Variants in PTPRT observed in about 807,000 individuals in gnomAD.
PTPRT encodes protein tyrosine phosphatase receptor type T.
PTPRT carries 56 observed loss-of-function variants against 176.8 expected under a neutral mutation model. That is an observed-to-expected ratio of 0.32 (90% confidence interval 0.26 to 0.40). PTPRT has a LOEUF of 0.40. Among genes scored for constraint, PTPRT ranks in the 10% least tolerant of loss-of-function variants. The pLI is 1.00. For missense variants in PTPRT, 1,540 were observed against 1,908.2 expected, an observed-to-expected ratio of 0.81 and a Z score of 3.60; for synonymous variants, 783 against 739.0, an observed-to-expected ratio of 1.06 and a Z score of -0.96.
chr20:42,150,651 G>C lies in PTPRT; in HGVS notation c.2683-8649C>G, dbSNP rs146740414. On this transcript the variant is annotated intron_variant, in intron 17 of 30. Transcript: ENST00000373187. The stretch of plus-strand genomic sequence containing the variant: ...AAAAGGCAGAGCTTTGCAAAAGGCA[G>C]ACAGACTAAAATGTTTGAATATTTT... Among the ~76,000 whole-genome samples the C allele has an allele frequency of 3.5e-4, 53 of 152,328 alleles. 1 individual carries two copies. In the East Asian group the frequency reaches 8.3e-3, roughly 24 times the overall value.
At chr20:42,180,303 C>T (rs62208695) in intron 16 of PTPRT, among the ~76,000 whole-genome samples, 237 of 152,220 alleles carry the variant, frequency 1.6e-3, no homozygotes, top group South Asian at 0.012. Context: ...ACATGCTTGC[C>T]TTGGGAGCCT....
chr20:42,213,894 T>C (rs2146753326), intron 15 of PTPRT, among the ~76,000 whole-genome samples: 1 of 152,280 alleles, frequency 6.6e-6, no homozygotes, highest in Non-Finnish European at 1.5e-5. Context: ...TTGTGAGACA[T>C]TGGTACAGTA....
intron 16 of PTPRT, among the ~76,000 whole-genome samples, chr20:42,164,470 G>A (rs543363575): frequency 6.6e-6 from 1 of 152,278 alleles, no homozygotes; most frequent in East Asian, 1.9e-4. Context: ...CAGTGCTAAT[G>A]ATGCTATGAA....
At chr20:42,537,435 A>G (rs1175701150) in intron 7 of PTPRT, among the ~76,000 whole-genome samples, 1 of 152,224 alleles carries the variant, frequency 6.6e-6, no homozygotes, top group Non-Finnish European at 1.5e-5. Flanking sequence ...TTATTCATTT[A>G]GAAAACAAAC....
intron 7 of PTPRT, among the ~76,000 whole-genome samples, chr20:42,479,104 C>T (rs1480266515): frequency 2.6e-5 from 4 of 152,178 alleles, no homozygotes; most frequent in African/African-American, 9.7e-5. Context: ...TCCATCCCTG[C>T]TGTCAAAGGC....
At chr20:42,739,555 A>T (rs1363714466) in intron 6 of PTPRT, among the ~76,000 whole-genome samples, 2 of 152,094 alleles carry the variant, frequency 1.3e-5, no homozygotes, top group Non-Finnish European at 2.9e-5. Flanking sequence ...AGAAAGAAAG[A>T]TGGGGAAGTG....
intron 2 of PTPRT, among the ~76,000 whole-genome samples, chr20:42,847,588 A>G (rs208260): frequency 0.93 from 141,345 of 152,170 alleles, 65,846 homozygotes; most frequent in South Asian, 0.97. Flanking sequence ...TTGGATATAC[A>G]TGTTCAGCCC....
intron 7 of PTPRT, among the ~76,000 whole-genome samples, chr20:42,488,184 T>C (rs2071495998): frequency 6.6e-6 from 1 of 152,204 alleles, no homozygotes; most frequent in South Asian, 2.1e-4. Flanking sequence ...CTCATCACTG[T>C]CAGAAATCAC....
intron 7 of PTPRT, among the ~76,000 whole-genome samples, chr20:42,611,534 T>G (rs1474790103): frequency 6.6e-6 from 1 of 151,718 alleles, no homozygotes; most frequent in Non-Finnish European, 1.5e-5. Flanking sequence ...CAGGTTTGCC[T>G]GACACCTCTC....
At chr20:42,703,430 G>A (rs1037502962) in intron 6 of PTPRT, among the ~76,000 whole-genome samples, 5 of 152,318 alleles carry the variant, frequency 3.3e-5, no homozygotes, top group African/African-American at 1.2e-4. Context: ...TAAGAGAAAA[G>A]TAAAGAAAGA....
intron 9 of PTPRT, among the ~76,000 whole-genome samples, chr20:42,400,155 T>C (rs1041974224): frequency 1.3e-5 from 2 of 151,888 alleles, no homozygotes; most frequent in Non-Finnish European, 2.9e-5. Context: ...TTTTTTCTTT[T>C]TACTAAAGAG....
At chr20:42,258,332 C>T (rs2056686152) in intron 13 of PTPRT, among the ~76,000 whole-genome samples, 1 of 152,166 alleles carries the variant, frequency 6.6e-6, no homozygotes, top group South Asian at 2.1e-4. Context: ...CCAAATTATA[C>T]AGACTTTGCT....
intron 1 of PTPRT, among the ~76,000 whole-genome samples, chr20:42,980,842 T>C (rs1283530633): frequency 1.3e-5 from 2 of 152,234 alleles, no homozygotes; most frequent in African/African-American, 4.8e-5. Context: ...GCTGGTCATT[T>C]ACTAGTTTTA....
At chr20:42,749,861 T>C (rs2076745339) in intron 6 of PTPRT, among the ~76,000 whole-genome samples, 2 of 152,072 alleles carry the variant, frequency 1.3e-5, no homozygotes, top group South Asian at 4.1e-4. Context: ...GGCACCAGAC[T>C]AGTGAGAGAG....
the PTPRT span, among the ~76,000 whole-genome samples, chr20:42,052,867 C>T: frequency 4.1e-3 from 618 of 152,262 alleles, 2 homozygotes; most frequent in Non-Finnish European, 6.4e-3. Context: ...AGGCCCGTGT[C>T]GGTGGCTTTC....
chr20:42,307,194 T>G (rs2057556187), intron 12 of PTPRT, among the ~76,000 whole-genome samples: 1 of 152,202 alleles, frequency 6.6e-6, no homozygotes, highest in Non-Finnish European at 1.5e-5. Flanking sequence ...GGCCATGTGG[T>G]TAGCCTTGGC....
chr20:42,572,087 C>G, intron 7 of PTPRT, among the ~76,000 whole-genome samples: 1 of 152,246 alleles, frequency 6.6e-6, no homozygotes. Flanking sequence ...TGATGTCTGG[C>G]GAGGGTCTGT....
At chr20:42,974,152 G>A (rs1488810886) in intron 1 of PTPRT, among the ~76,000 whole-genome samples, 3 of 152,248 alleles carry the variant, frequency 2.0e-5, no homozygotes, top group African/African-American at 7.2e-5. Context: ...ACAGGTGTAC[G>A]TGGCTCAATG....
chr20:42,739,670 T>A (rs903508552), intron 6 of PTPRT, among the ~76,000 whole-genome samples: 1 of 152,194 alleles, frequency 6.6e-6, no homozygotes, highest in Non-Finnish European at 1.5e-5. Context: ...CTGAACATAT[T>A]TAGTTCTAAA....
Sources: allele counts gnomAD v4.1 joint callset (sites outside exome capture counted in the v4.1 genomes callset), GRCh38; gene constraint gnomAD v4.1.1; transcripts MANE v1.5; gene names NCBI Gene and HGNC (gene_info 2026-07-23, HGNC 2026-07-21).